SEMA6D: variants seen among roughly 807,000 people sequenced by gnomAD.
SEMA6D encodes the protein semaphorin 6D.
Under a neutral mutation model 106.6 loss-of-function variants are expected in SEMA6D, and 35 were observed. The ratio of observed to expected loss-of-function variants is 0.33; its 90% confidence interval spans 0.25 to 0.44. The LOEUF (loss-of-function observed/expected upper bound fraction) is 0.44. Among genes scored for constraint, SEMA6D ranks in the 20% least tolerant of loss-of-function variants. The probability of loss-of-function intolerance (pLI) is 1.00; values close to 1 mark genes in which losing one functional copy is unlikely to be tolerated. For synonymous variants in SEMA6D, 499 were observed against 487.7 expected, an observed-to-expected ratio of 1.02 and a Z score of -0.31; for missense variants, 1,185 against 1,345.9, an observed-to-expected ratio of 0.88 and a Z score of 1.87.
chr15:47,535,638 C>A (rs1005946489), intron 3 of SEMA6D, among the ~76,000 whole-genome samples: 8 of 150,724 alleles, frequency 5.3e-5, no homozygotes, highest in African/African-American at 1.7e-4. Context: ...AAGACAGATA[C>A]AAAACCACTA....
chr15:47,702,659 G>A (rs981230764), intron 4 of SEMA6D, among the ~76,000 whole-genome samples: 4 of 151,994 alleles, frequency 2.6e-5, no homozygotes, highest in Admixed American at 6.6e-5. Flanking sequence ...TAATACATTC[G>A]GACCATGGAA....
intron 1 of SEMA6D, among the ~76,000 whole-genome samples, chr15:47,738,052 G>A (rs1729315811): frequency 6.8e-6 from 1 of 147,688 alleles, no homozygotes; most frequent in African/African-American, 2.6e-5. Context: ...AAAAAAAAAA[G>A]GGTTACATAT....
rs557019899 is a variant in SEMA6D, at chr15:47,463,421, T to C, written c.-158-7053T>C. On this transcript the variant is annotated intron_variant, in intron 2 of 19. Coordinates refer to the SEMA6D transcript ENST00000558014. ...GTATAGCCCTGACTGCATATATGTC[T>C]CCTTTAAATCTTAACACATGCAGTA... Among the ~76,000 whole-genome samples, 8 of 152,304 alleles carry C rather than the reference T, an allele frequency of 5.3e-5. No homozygotes were observed. In the East Asian group the frequency reaches 1.5e-3, roughly 30 times the overall value.
chr15:47,695,525 C>G (rs533619464), intron 4 of SEMA6D, among the ~76,000 whole-genome samples: 3 of 151,982 alleles, frequency 2.0e-5, no homozygotes, highest in Non-Finnish European at 4.4e-5. Flanking sequence ...GACACACACA[C>G]GAACACATGC....
At chr15:47,310,015 C>T (rs925126543) in intron 1 of SEMA6D, among the ~76,000 whole-genome samples, 1 of 152,124 alleles carries the variant, frequency 6.6e-6, no homozygotes, top group Non-Finnish European at 1.5e-5. Flanking sequence ...ACTGACTGTA[C>T]AAGAAAAGGG....
intron 3 of SEMA6D, among the ~76,000 whole-genome samples, chr15:47,474,909 G>A (rs1316592002): frequency 3.3e-5 from 5 of 152,170 alleles, no homozygotes; most frequent in Admixed American, 6.5e-5. Context: ...GTTGCGGCAC[G>A]ATTTCATGGC....
At chr15:47,731,647 C>T (rs1321611912) in intron 1 of SEMA6D, among the ~76,000 whole-genome samples, 1 of 152,154 alleles carries the variant, frequency 6.6e-6, no homozygotes. Context: ...ACTTCCAATG[C>T]ATAAAAAAAC....
At chr15:47,324,502 C>T (rs992916306) in intron 1 of SEMA6D, among the ~76,000 whole-genome samples, 1 of 152,006 alleles carries the variant, frequency 6.6e-6, no homozygotes, top group Non-Finnish European at 1.5e-5. Context: ...TAATTAACAG[C>T]ACTCCATAGG....
chr15:47,219,357 C>T (rs1005920512), intron 1 of SEMA6D, among the ~76,000 whole-genome samples: 3 of 152,142 alleles, frequency 2.0e-5, no homozygotes, highest in Non-Finnish European at 4.4e-5. Flanking sequence ...GCGGTTACAG[C>T]TACCAGGTCA....
intron 1 of SEMA6D, among the ~76,000 whole-genome samples, chr15:47,261,482 C>A (rs1335093944): frequency 6.6e-6 from 1 of 151,956 alleles, no homozygotes; most frequent in Admixed American, 6.6e-5. Flanking sequence ...TGCATTTGGT[C>A]TCAGCTCTGT....
At chr15:47,757,134 GAC>G (rs2081798073) in intron 1 of SEMA6D, among the ~76,000 whole-genome samples, 2 of 152,164 alleles carry the variant, frequency 1.3e-5, no homozygotes, top group Non-Finnish European at 2.9e-5. Flanking sequence ...ACAGCTGAGA[GAC>G]ACTCTTCCTG....
chr15:47,612,037 T>A (rs143060146), intron 4 of SEMA6D, among the ~76,000 whole-genome samples: 1 of 152,180 alleles, frequency 6.6e-6, no homozygotes, highest in South Asian at 2.1e-4. Context: ...CTTGGCTTTA[T>A]CCTGAGTTTA....
At chr15:47,711,844 T>C (rs1455803491) in intron 4 of SEMA6D, among the ~76,000 whole-genome samples, 1 of 152,218 alleles carries the variant, frequency 6.6e-6, no homozygotes, top group Admixed American at 6.5e-5. Context: ...TATTCTCTTT[T>C]CCTTAACCAG....
At chr15:47,596,531 A>G (rs982524466) in intron 3 of SEMA6D, among the ~76,000 whole-genome samples, 1 of 152,184 alleles carries the variant, frequency 6.6e-6, no homozygotes, top group Non-Finnish European at 1.5e-5. Flanking sequence ...ACTTTAAACT[A>G]TATTACAAAG....
chr15:47,581,270 A>C, intron 3 of SEMA6D: 1 of 439,344 alleles, frequency 2.3e-6, no homozygotes. Context: ...TATTTTCTCC[A>C]TAAGTCCTGT....
intron 1 of SEMA6D, among the ~76,000 whole-genome samples, chr15:47,370,468 T>G (rs2145377476): frequency 6.6e-6 from 1 of 152,032 alleles, no homozygotes; most frequent in East Asian, 1.9e-4. Context: ...TGAGCCGACA[T>G]CGAGCCACTG....
At chr15:47,607,436 A>G (rs1002479079) in intron 4 of SEMA6D, among the ~76,000 whole-genome samples, 31 of 152,308 alleles carry the variant, frequency 2.0e-4, no homozygotes, top group Admixed American at 2.0e-3. Context: ...GCAGCATGTA[A>G]CTCAGAACAT....
chr15:47,398,270 G>T (rs1595902925), intron 1 of SEMA6D, among the ~76,000 whole-genome samples: 2 of 152,162 alleles, frequency 1.3e-5, no homozygotes, highest in African/African-American at 4.8e-5. Context: ...TCCCAAAATA[G>T]CCTGTTTAAT....
chr15:47,243,908 T>C (rs1038255909), intron 1 of SEMA6D, among the ~76,000 whole-genome samples: 1 of 152,128 alleles, frequency 6.6e-6, no homozygotes, highest in Non-Finnish European at 1.5e-5. Flanking sequence ...ATGCTATGGA[T>C]ATAGCAATGG....
Sources: allele counts gnomAD v4.1 joint callset (sites outside exome capture counted in the v4.1 genomes callset), GRCh38; gene constraint gnomAD v4.1.1; transcripts MANE v1.5; gene names NCBI Gene and HGNC (gene_info 2026-07-23, HGNC 2026-07-21).